The following DISP1 variants were observed in gnomAD, a reference collection of about 807,000 sequenced individuals.
DISP1 encodes the protein dispatched RND transporter family member 1, also known as protein dispatched homolog 1.
DISP1 carries 30 observed loss-of-function variants against 37.3 expected under a neutral mutation model. That is an observed-to-expected ratio of 0.80 (90% CI 0.60 to 1.09). The LOEUF is 1.09. DISP1 is among the 50% of genes least tolerant of loss of function. The probability of loss-of-function intolerance (pLI) is 0.00; values close to 1 mark genes in which losing one functional copy is unlikely to be tolerated. For missense variants in DISP1, 1,598 were observed against 1,879.5 expected (o/e 0.85, Z 2.77); for synonymous variants, 634 against 690.2 (o/e 0.92, Z 1.28).
At chr1:222,824,288 T>A (rs560519493) in intron 1 of DISP1, among the ~76,000 whole-genome samples, 3 of 152,214 alleles carry the variant, frequency 2.0e-5, no homozygotes, top group African/African-American at 7.2e-5. Flanking sequence ...TGCCAGACAC[T>A]GCAGTGAGCA....
chr1:222,961,460 G>T (rs1297511107), intron 3 of DISP1, among the ~76,000 whole-genome samples: 2 of 152,060 alleles, frequency 1.3e-5, no homozygotes, highest in African/African-American at 4.8e-5. Flanking sequence ...GGTATTGATG[G>T]AACGTATCTC....
At position 222,994,861 on chromosome 1, in the gene DISP1, T is replaced by G. The variant is rs550724706; in HGVS notation, c.890-24T>G. On this transcript the variant is annotated intron_variant, in intron 7 of 8. Coordinates refer to ENST00000675850, the MANE Select transcript of DISP1 (RefSeq NM_001377229.1). ...TGAATAATTTATAAACCTTTTTCTT[T>G]CCTTTTTTTTTTCATATCACCAGGT... The G allele has an allele frequency of 2.0e-6, 3 of 1,517,966 alleles. No individual in the cohort carries two copies. In the Admixed American group the frequency reaches 5.0e-5, roughly 25 times the overall value. The allele number at this position is 1,517,966 out of a possible 1,614,324, so 94.0% of individuals were successfully genotyped here.
intron 3 of DISP1, chr1:222,943,611 C>T (rs1178384027): frequency 2.0e-6 from 1 of 499,484 alleles, no homozygotes; most frequent in Non-Finnish European, 3.6e-6. Flanking sequence ...TAAAATTCAA[C>T]AAAAAGTTTT....
Position 223,005,992 on chromosome 1 carries a change from A to T in DISP1, c.*20A>T. The T allele has an allele frequency of 6.3e-7, 1 of 1,583,538 alleles. No homozygotes were observed. Among genetic ancestry groups the T allele is most frequent in the Non-Finnish European group, 8.6e-7 (1 of 1,156,212 alleles). ...CTATAATAAATGCAGCATTCAATTCAGAACCAGTGCCTCAATTATTCTTTT... is the reference window on the plus strand; with the variant it reads ...CTATAATAAATGCAGCATTCAATTCTGAACCAGTGCCTCAATTATTCTTTT... On this transcript the variant is annotated 3_prime_UTR_variant, in exon 9 of 9. Transcript: ENST00000675850.
intron 3 of DISP1, among the ~76,000 whole-genome samples, chr1:222,954,818 G>T (rs990467070): frequency 5.9e-5 from 9 of 151,902 alleles, no homozygotes; most frequent in African/African-American, 1.9e-4. Flanking sequence ...AGACCAGCTT[G>T]GGCAACATAG....
intron 3 of DISP1, among the ~76,000 whole-genome samples, chr1:222,956,240 T>A (rs1458313122): frequency 6.6e-6 from 1 of 152,156 alleles, no homozygotes; most frequent in Non-Finnish European, 1.5e-5. Context: ...AAAGTTTCCC[T>A]TTGATGGATG....
intron 2 of DISP1, among the ~76,000 whole-genome samples, chr1:222,938,009 G>A (rs61840882): frequency 0.093 from 14,096 of 151,922 alleles, 762 homozygotes; most frequent in Non-Finnish European, 0.12. Flanking sequence ...GAGTAGCTGG[G>A]ACTACAAGCA....
At chr1:222,994,858 C>T (rs574561565) in intron 7 of DISP1, 27 bp from the exon 8 acceptor site, 223 of 1,510,248 alleles carry the variant, frequency 1.5e-4, no homozygotes, top group Non-Finnish European at 1.8e-4. Context: ...AAACCTTTTT[C>T]TTTCCTTTTT....
intron 1 of DISP1, among the ~76,000 whole-genome samples, chr1:222,912,113 A>G (rs930732468): frequency 1.3e-5 from 2 of 152,258 alleles, no homozygotes; most frequent in Non-Finnish European, 2.9e-5. Flanking sequence ...TATTTTTCAT[A>G]AGCTCTTACT....
intron 1 of DISP1, among the ~76,000 whole-genome samples, chr1:222,817,911 C>T (rs1294916943): frequency 6.6e-6 from 1 of 152,130 alleles, no homozygotes; most frequent in Non-Finnish European, 1.5e-5. Context: ...TTTAAAAATA[C>T]TTTTAATACT....
intron 1 of DISP1, among the ~76,000 whole-genome samples, chr1:222,855,593 A>G (rs1283147446): frequency 2.0e-5 from 3 of 152,298 alleles, no homozygotes; most frequent in Non-Finnish European, 2.9e-5. Context: ...CCAATTCTTC[A>G]TTATACCAGC....
intron 3 of DISP1, among the ~76,000 whole-genome samples, chr1:222,951,334 A>G (rs551926268): frequency 2.0e-5 from 3 of 149,932 alleles, no homozygotes; most frequent in Non-Finnish European, 4.4e-5. Flanking sequence ...TTAGGGCATT[A>G]GTTATTTTCT....
chr1:222,888,280 G>T (rs556989560), intron 1 of DISP1, among the ~76,000 whole-genome samples: 2 of 152,220 alleles, frequency 1.3e-5, no homozygotes, highest in Admixed American at 1.3e-4. Context: ...CAATCATAAT[G>T]AGTATCACAT....
At position 222,990,742 on chromosome 1, in the gene DISP1, A is replaced by C. The variant is rs751161325; in HGVS notation, c.657A>C (p.Pro219=). The change falls in exon 5 of 9, where the codon CCA becomes CCC. Residue 219 remains proline, a synonymous_variant. Coordinates refer to ENST00000675850, the MANE Select transcript of DISP1 (RefSeq NM_001377229.1). Reference sequence around the variant, plus strand: ...CAGAGCTCCCTGACTTCTCTGATCCATTGCTGGTAACTAACTTTTATGTTT... The same window carrying C: ...CAGAGCTCCCTGACTTCTCTGATCCCTTGCTGGTAACTAACTTTTATGTTT... The part of the protein sequence containing the change: ...LVPELPDFSD[P]LLGFEPRGTA... The C allele has an allele frequency of 6.2e-7, 1 of 1,614,050 alleles. No homozygotes were observed. The highest frequency in any genetic ancestry group is 8.5e-7 in the Non-Finnish European group (1 of 1,179,962).
At chr1:222,818,945 T>G (rs552715032) in intron 1 of DISP1, among the ~76,000 whole-genome samples, 1 of 152,324 alleles carries the variant, frequency 6.6e-6, no homozygotes, top group African/African-American at 2.4e-5. Context: ...GCATAGTCAA[T>G]AGGAGAATAT....
rs1678733461 is a variant in DISP1, at chr1:222,992,055, G to A, written c.834G>A (p.Glu278=). Residue 278 remains glutamate (E), a synonymous_variant, in exon 7 of 9, where the codon GAG becomes GAA. Coordinates refer to ENST00000675850, the MANE Select transcript of DISP1 (RefSeq NM_001377229.1). ...DRWSDDHYER[E]KREVDWNFHK... is the part of the protein sequence containing the mutation. ...GGTCAGATGATCATTATGAAAGAGA[G>A]AAAAGAGAAGTTGACTGGAACTTCC... The A allele has an allele frequency of 1.9e-6, 3 of 1,613,878 alleles. No homozygotes were observed. Among genetic ancestry groups the A allele is most frequent in the Non-Finnish European group, 2.5e-6 (3 of 1,179,950 alleles).
chr1:222,816,834 G>A (rs1661361503), intron 1 of DISP1, among the ~76,000 whole-genome samples: 1 of 152,116 alleles, frequency 6.6e-6, no homozygotes, highest in South Asian at 2.1e-4. Flanking sequence ...TGAATTAACT[G>A]CCATGTTAAT....
intron 4 of DISP1, among the ~76,000 whole-genome samples, chr1:222,989,790 G>T (rs1261465003): frequency 3.0e-5 from 4 of 132,572 alleles, no homozygotes; most frequent in African/African-American, 5.6e-5. Context: ...CAGGTTTATG[G>T]GAAGTGTTTA....
At chr1:222,819,538 CTTT>C (rs762729584) in intron 1 of DISP1, among the ~76,000 whole-genome samples, 6 of 118,280 alleles carry the variant, frequency 5.1e-5, no homozygotes, top group Non-Finnish European at 8.7e-5. Context: ...ACACACATAT[CTTT>C]TTTTTTTTTT....
Sources: allele counts gnomAD v4.1 joint callset (sites outside exome capture counted in the v4.1 genomes callset), GRCh38; gene constraint gnomAD v4.1.1; transcripts MANE v1.5; gene names NCBI Gene and HGNC (gene_info 2026-07-23, HGNC 2026-07-21).